Variants in RHOT1 observed in about 807,000 individuals in gnomAD.
The protein encoded by RHOT1 is ras homolog family member T1.
Under a neutral mutation model 95.3 loss-of-function variants are expected in RHOT1, and 27 were observed. The observed-to-expected ratio is 0.28, with a 90% CI of 0.21 to 0.39. The LOEUF (loss-of-function observed/expected upper bound fraction) is 0.39. RHOT1 is among the 10% of genes least tolerant of loss of function. The pLI, the probability that RHOT1 is intolerant of heterozygous loss-of-function variation, is 1.00. For missense variants in RHOT1, 578 were observed against 786.7 expected (o/e 0.73, Z 3.17); for synonymous variants, 227 against 263.5 (o/e 0.86, Z 1.34).
intron 11 of RHOT1, 55 bp from the exon 12 acceptor site, chr17:32,198,889 TTTC>T: frequency 8.8e-7 from 1 of 1,137,620 alleles, no homozygotes. Flanking sequence ...TTTATATTAA[TTTC>T]TTAAATTTTA....
intron 1 of RHOT1, among the ~76,000 whole-genome samples, chr17:32,154,985 G>A (rs531386952): frequency 6.6e-6 from 1 of 152,154 alleles, no homozygotes; most frequent in Admixed American, 6.5e-5. Context: ...TTGAGAGGCT[G>A]AGGCAGGAGG....
intron 16 of RHOT1, among the ~76,000 whole-genome samples, chr17:32,205,208 C>T (rs1294307353): frequency 1.3e-5 from 2 of 151,966 alleles, no homozygotes; most frequent in Non-Finnish European, 2.9e-5. Flanking sequence ...TGATGTTCCC[C>T]TCCCTGTGTC....
chr17:32,149,591 CTATATATATATATATATA>C lies in RHOT1; in HGVS notation c.37+6890_37+6907del, dbSNP rs1162059092. Among the ~76,000 whole-genome samples the C allele has an allele frequency of 4.7e-3, 245 of 52,648 alleles. 3 individuals carry two copies. The highest frequency in any genetic ancestry group is 0.013 in the South Asian group (11 of 816). 34.5% of individuals were successfully genotyped at this position (52,648 alleles called of 152,430 possible). On this transcript the variant is annotated intron_variant, in intron 1 of 19. Coordinates refer to ENST00000545287, the MANE Select transcript of RHOT1 (RefSeq NM_001033566.3). ...GGTGAATCACTTGAGCCCAGCAGTT[CTATATATATATATATATA>C]TATATATATATATATATATATATAT...
At chr17:32,155,186 C>T (rs1355867449) in intron 1 of RHOT1, among the ~76,000 whole-genome samples, 3 of 152,108 alleles carry the variant, frequency 2.0e-5, no homozygotes, top group Middle Eastern at 3.4e-3. Context: ...GATGGAGTCT[C>T]GCTCTGTCGC....
chr17:32,215,707 G>A (rs962909970), intron 19 of RHOT1, among the ~76,000 whole-genome samples: 9 of 151,960 alleles, frequency 5.9e-5, no homozygotes, highest in Non-Finnish European at 1.0e-4. Flanking sequence ...TTACTAACAC[G>A]ATATATTTTA....
At chr17:32,203,269 C>CTTCTTTTTTTTT (rs1485362280) in intron 15 of RHOT1, among the ~76,000 whole-genome samples, 2 of 72,328 alleles carry the variant, frequency 2.8e-5, no homozygotes, top group African/African-American at 6.1e-5. Context: ...TCTTCTTCTT[C>CTTCTTTTTTTTT]TTTTTTTTTT....
chr17:32,222,400 G>C (rs909905016), intron 19 of RHOT1, among the ~76,000 whole-genome samples: 1 of 152,184 alleles, frequency 6.6e-6, no homozygotes, highest in East Asian at 1.9e-4. Flanking sequence ...GAATACTTAT[G>C]GTTACTACGT....
At chr17:32,176,338 C>A in intron 6 of RHOT1, 125 bp downstream of exon 6, 1 of 729,060 alleles carries the variant, frequency 1.4e-6, no homozygotes, top group South Asian at 1.9e-5. Context: ...CGTTTTGCCA[C>A]GTTTGCCTTA....
intron 13 of RHOT1, among the ~76,000 whole-genome samples, chr17:32,199,984 C>T (rs2037189844): frequency 6.7e-6 from 1 of 148,680 alleles, no homozygotes; most frequent in East Asian, 1.9e-4. Context: ...ACTCTGTTGC[C>T]CAGGCTGGAG....
intron 19 of RHOT1, among the ~76,000 whole-genome samples, 157 bp from the exon 20 acceptor site, chr17:32,224,459 A>G (rs2039023248): frequency 6.6e-6 from 1 of 152,218 alleles, no homozygotes; most frequent in Admixed American, 6.5e-5. Context: ...GTAATTATAT[A>G]TATGGCTATA....
intron 1 of RHOT1, among the ~76,000 whole-genome samples, chr17:32,149,625 A>ATGTGTGTGTGTGTGTG (rs1454201227): frequency 3.1e-4 from 27 of 88,318 alleles, no homozygotes; most frequent in African/African-American, 8.3e-4. Context: ...ATATATATAT[A>ATGTGTGTGTGTGTGTG]TATATATATA....
chr17:32,152,659 C>T (rs1400517242), intron 1 of RHOT1, among the ~76,000 whole-genome samples: 1 of 151,690 alleles, frequency 6.6e-6, no homozygotes, highest in Non-Finnish European at 1.5e-5. Context: ...AGGGAGGGAA[C>T]TTCAAGGGGA....
In RHOT1 at chr17:32,176,172, A is replaced by T. The variant is rs758040527; in HGVS notation, c.288A>T (p.Arg96=). The T allele has an allele frequency of 2.5e-6, 4 of 1,611,786 alleles. No individual in the cohort carries two copies. In the South Asian group the frequency reaches 3.3e-5, roughly 13 times the overall value. ...AATTTTCATTTTAGGTAACAAGTCG[A>T]TGGATTCCTCTCATAAATGAAAGAA... ...NKHSIDKVTS[R]WIPLINERTD... Residue 96 remains arginine, a synonymous_variant, in exon 6 of 20, where the codon CGA becomes CGT. Transcript: ENST00000545287.
rs755757986 is a variant in RHOT1 at position 32,206,968 on chromosome 17, T to C, written c.1475T>C (p.Val492Ala). 6.2e-7 allele frequency: 1 copy of C among 1,611,432 alleles called. No homozygotes were observed. The highest frequency in any genetic ancestry group is 1.1e-5 in the South Asian group (1 of 90,828). The change falls in exon 17 of 20, where the codon GTA becomes GCA. Residue 492 changes from valine to alanine, a missense_variant. Physicochemically the swap from Val to Ala is moderately conservative, Grantham distance 64 (BLOSUM62 0). Coordinates refer to ENST00000545287, the MANE Select transcript of RHOT1 (RefSeq NM_001033566.3). ...LTEAEIICDV[V>A]CLVYDVSNPK... ...GAAGCTGAAATCATTTGTGATGTTG[T>C]ATGCCTGGTATATGATGTCAGCAAT... is the stretch of plus-strand genomic sequence containing the variant.
At chr17:32,207,472 A>G (rs1385561981) in intron 17 of RHOT1, 1 of 156,590 alleles carries the variant, frequency 6.4e-6, no homozygotes, top group Non-Finnish European at 1.4e-5. Flanking sequence ...GTAAAAAGCT[A>G]TATGTACAAA....
At chr17:32,176,244 T>TTA in intron 6 of RHOT1, 31 bp downstream of exon 6, 5 of 1,511,618 alleles carry the variant, frequency 3.3e-6, no homozygotes, top group Non-Finnish European at 4.6e-6. Context: ...CTTTTTATAA[T>TTA]TAAAAAGTTT....
chr17:32,214,695 G>A (rs2038345403), intron 19 of RHOT1, among the ~76,000 whole-genome samples: 1 of 152,088 alleles, frequency 6.6e-6, no homozygotes, highest in South Asian at 2.1e-4. Flanking sequence ...TTGGTTTCCT[G>A]TGTTAGACAT....
intron 10 of RHOT1, 129 bp from the exon 11 acceptor site, chr17:32,193,858 G>T (rs887541156): frequency 1.7e-6 from 2 of 1,159,728 alleles, no homozygotes; most frequent in African/African-American, 3.1e-5. Context: ...TGTGAATTTT[G>T]TTTTGTTTTG....
intron 19 of RHOT1, among the ~76,000 whole-genome samples, chr17:32,216,420 G>T (rs2038480018): frequency 6.6e-6 from 1 of 151,916 alleles, no homozygotes; most frequent in African/African-American, 2.4e-5. Flanking sequence ...TTTATTATTT[G>T]CATTAGCCAT....
Sources: allele counts gnomAD v4.1 joint callset (sites outside exome capture counted in the v4.1 genomes callset), GRCh38; gene constraint gnomAD v4.1.1; transcripts MANE v1.5; gene names NCBI Gene and HGNC (gene_info 2026-07-23, HGNC 2026-07-21).